Variants in F5 observed in about 807,000 individuals in gnomAD.
The protein encoded by F5 is coagulation factor V, also known as activated protein c cofactor.
In F5, 138 loss-of-function variants were observed where a neutral mutation model predicts 216.4. The ratio of observed to expected loss-of-function variants is 0.64; its 90% CI spans 0.56 to 0.73. F5 has a LOEUF of 0.73. Ranked by LOEUF, F5 falls within the 30% of genes least tolerant of loss-of-function variation. F5 has a pLI of 0.00. For synonymous variants in F5, 916 were observed against 930.7 expected, an observed-to-expected ratio of 0.98 and a Z score of 0.29; for missense variants, 2,403 against 2,674.0, an observed-to-expected ratio of 0.90 and a Z score of 2.24.
At chr1:169,564,871 C>T (rs1451120580) in intron 3 of F5, among the ~76,000 whole-genome samples, 2 of 152,106 alleles carry the variant, frequency 1.3e-5, no homozygotes, top group Non-Finnish European at 2.9e-5. Context: ...CAATGTATCT[C>T]ATGAGGTTCT....
At chr1:169,568,660 G>C (rs1660662186) in intron 3 of F5, among the ~76,000 whole-genome samples, 1 of 152,112 alleles carries the variant, frequency 6.6e-6, no homozygotes, top group Non-Finnish European at 1.5e-5. Context: ...CACAAGGGTA[G>C]CTCTTCATTT....
At chr1:169,546,084 C>T (rs1227530503) in intron 11 of F5, among the ~76,000 whole-genome samples, 1 of 152,110 alleles carries the variant, frequency 6.6e-6, no homozygotes, top group Non-Finnish European at 1.5e-5. Flanking sequence ...TATATTCACC[C>T]TGAACTCAGT....
At chr1:169,543,903 G>A (rs890932976) in intron 12 of F5, among the ~76,000 whole-genome samples, 1 of 152,180 alleles carries the variant, frequency 6.6e-6, no homozygotes, top group Admixed American at 6.5e-5. Flanking sequence ...AAACTCCAAA[G>A]CTGTTGCTGA....
intron 2 of F5, among the ~76,000 whole-genome samples, chr1:169,579,520 T>A (rs1405422698): frequency 6.6e-6 from 1 of 152,202 alleles, no homozygotes; most frequent in East Asian, 1.9e-4. Flanking sequence ...TCACTTAACA[T>A]CTCTAGGTAG....
At position 169,536,606 on chromosome 1, in the gene F5, A is replaced by G. The variant is rs1449955421; in HGVS notation, c.4871T>C (p.Leu1624Pro). ...TYKKVVFRKY[L>P]DSTFTKRDPR... Reference sequence around the variant, plus strand: ...ATCACGTTTGGTAAAAGTGCTGTCGAGGTACTTTCGAAAAACTACTTTCTT... The same window carrying G: ...ATCACGTTTGGTAAAAGTGCTGTCGGGGTACTTTCGAAAAACTACTTTCTT... Residue 1624 changes from leucine to proline, a missense_variant, in exon 14 of 25, where the codon CTC becomes CCC. Transcript: ENST00000367797. The G allele has an allele frequency of 1.9e-6, 3 of 1,613,416 alleles. No individual in the cohort carries two copies. Among genetic ancestry groups the G allele is most frequent in the Non-Finnish European group, 1.7e-6 (2 of 1,179,540 alleles).
intron 23 of F5, 139 bp from the exon 24 acceptor site, chr1:169,515,765 A>G (rs1557903405): frequency 1.3e-6 from 1 of 784,560 alleles, no homozygotes; most frequent in Non-Finnish European, 2.1e-6. Context: ...GTCTCCTAGA[A>G]GCTTTCCCTC....
Position 169,543,072 on chromosome 1 carries a change from T to C in F5, c.2018A>G (p.Lys673Arg). 1 of 1,614,030 alleles carries C rather than the reference T, an allele frequency of 6.2e-7. No individual in the cohort carries two copies. The highest frequency in any genetic ancestry group is 8.5e-7 in the Non-Finnish European group (1 of 1,179,946). Residue 673 changes from lysine to arginine, a missense_variant, in exon 13 of 25, where the codon AAA becomes AGA. Around this residue, in one of 4 missense-constraint regions of F5, gnomAD observed 1,425 missense variants for 1,554.8 expected, o/e 0.92. Transcript: ENST00000367797. ...ATCCCTGAATTTCAGCCTCAGCTTT[T>C]TGCTTCTTGGACTAGAATTCATGGA... ...LTSMNSSPRS[K>R]KLRLKFRDVK...
chr1:169,558,540 G>A (rs1224641155), intron 5 of F5, among the ~76,000 whole-genome samples: 1 of 152,130 alleles, frequency 6.6e-6, no homozygotes, highest in African/African-American at 2.4e-5. Flanking sequence ...CCTCAGGCTA[G>A]TATCATATAC....
intron 5 of F5, among the ~76,000 whole-genome samples, chr1:169,557,315 C>T (rs377092984): frequency 2.0e-5 from 3 of 152,170 alleles, no homozygotes; most frequent in South Asian, 2.1e-4. Flanking sequence ...TCACCAGAAC[C>T]GCCAATAGGG....
chr1:169,533,432 A>T (rs1014470687), intron 14 of F5, among the ~76,000 whole-genome samples: 1 of 152,234 alleles, frequency 6.6e-6, no homozygotes, highest in Non-Finnish European at 1.5e-5. Flanking sequence ...GCTTCTGCTC[A>T]GCAAAAGAAG....
At chr1:169,522,938 T>G (rs1016374030) in intron 21 of F5, among the ~76,000 whole-genome samples, 6 of 152,232 alleles carry the variant, frequency 3.9e-5, no homozygotes, top group African/African-American at 1.4e-4. Context: ...CTGAGAAATC[T>G]GGGTATTTTG....
intron 21 of F5, 37 bp downstream of exon 21, chr1:169,523,160 A>T (rs1181595740): frequency 1.9e-6 from 3 of 1,610,580 alleles, no homozygotes; most frequent in Admixed American, 1.7e-5. Context: ...GGCCAAGTCT[A>T]GAGTCTAGAG....
At position 169,550,011 on chromosome 1, in the gene F5, C is replaced by T. The variant is rs771092377; in HGVS notation, c.1401G>A (p.Arg467=). The change falls in exon 10 of 25, where the codon AGG becomes AGA. Residue 467 remains arginine, a synonymous_variant. Transcript: ENST00000367797. ...GAACTGCTCTGATCATGGTGTTGTTCCTGCCTGAAAGAAAATATATTCAAA... is the reference window on the plus strand; with the variant it reads ...GAACTGCTCTGATCATGGTGTTGTTTCTGCCTGAAAGAAAATATATTCAAA... ...DEVNSSFTSG[R]NNTMIRAVQP... is the part of the protein sequence containing the mutation. 1.2e-6 allele frequency: 2 copies of T among 1,613,146 alleles called. No individual in the cohort carries two copies. Among genetic ancestry groups the T allele is most frequent in the Non-Finnish European group, 1.7e-6 (2 of 1,179,520 alleles).
chr1:169,550,281 G>GCC (rs1162969643), intron 9 of F5, among the ~76,000 whole-genome samples: 271 of 31,762 alleles, frequency 8.5e-3, no homozygotes, highest in Admixed American at 0.016. Flanking sequence ...CCCTCCCCCC[G>GCC]CCCCCCACCC....
Position 169,582,433 on chromosome 1 carries a change from G to A in F5, c.248C>T (p.Ser83Leu). 3 of 1,506,700 alleles carry A rather than the reference G, an allele frequency of 2.0e-6. No homozygotes were observed. The highest frequency in any genetic ancestry group is 2.8e-6 in the Non-Finnish European group (3 of 1,089,262). 93.3% of individuals were successfully genotyped at this position (1,506,700 alleles called of 1,614,324 possible). ...AAAAAAGTATATTTCAGGCTTACCT[G>A]AAATGGTAGATTGTGGTTTTTCTTT... ...FKKEKPQSTI[S>L]GLLGPTLYAE... Residue 83 changes from serine (S) to leucine (L), a missense_variant and splice_region_variant, in exon 2 of 25, where the codon TCA becomes TTA. Coordinates refer to ENST00000367797, the MANE Select transcript of F5 (RefSeq NM_000130.5).
At chr1:169,533,965 A>G (rs1349271238) in intron 14 of F5, among the ~76,000 whole-genome samples, 1 of 152,152 alleles carries the variant, frequency 6.6e-6, no homozygotes, top group East Asian at 1.9e-4. Flanking sequence ...CCACAAGCAG[A>G]CAGCCCGGCG....
chr1:169,533,968 G>T lies in F5; in HGVS notation c.4971+2538C>A, dbSNP rs1385427900. On this transcript the variant is annotated intron_variant, in intron 14 of 24. Transcript: ENST00000367797. ...CAGAAATGAAATCCACAAGCAGACA[G>T]CCCGGCGCCACACCCTGGACCTGGT... Among the ~76,000 whole-genome samples, 6 of 152,222 alleles carry T rather than the reference G, an allele frequency of 3.9e-5. No homozygotes were observed. In the East Asian group the frequency reaches 1.2e-3, roughly 29 times the overall value.
chr1:169,540,543 C>T lies in F5; in HGVS notation c.4547G>A (p.Ser1516Asn). 1 of 1,613,972 alleles carries T rather than the reference C, an allele frequency of 6.2e-7. No individual in the cohort carries two copies. The highest frequency in any genetic ancestry group is 8.5e-7 in the Non-Finnish European group (1 of 1,179,938). The change falls in exon 13 of 25, where the codon AGT (serine) becomes AAT (asparagine). Residue 1516 changes from serine to asparagine, a missense_variant. By Grantham distance (46) the Ser-to-Asn change is conservative. Coordinates refer to ENST00000367797, the MANE Select transcript of F5 (RefSeq NM_000130.5). ...CTCAATGTAATCTGTACCATCTTTA[C>T]TGAGGCCCACTATAACCAGTGGATT... The part of the protein sequence containing the change: ...EFNPLVIVGL[S>N]KDGTDYIEII...
At chr1:169,514,503 G>A in intron 24 of F5, 44 bp from the exon 25 acceptor site, 2 of 1,581,088 alleles carry the variant, frequency 1.3e-6, no homozygotes, top group Non-Finnish European at 1.7e-6. Context: ...AACATAAATG[G>A]CTAAGGTTTT....
Sources: allele counts gnomAD v4.1 joint callset (sites outside exome capture counted in the v4.1 genomes callset), GRCh38; gene constraint gnomAD v4.1.1; regional missense constraint gnomAD v4.1.1; transcripts MANE v1.5; gene names NCBI Gene and HGNC (gene_info 2026-07-23, HGNC 2026-07-21).